Variants in TAFA1 observed in about 807,000 individuals in gnomAD.
TAFA1 encodes chemokine-like protein TAFA-1.
In TAFA1, 4 loss-of-function variants were observed where a neutral mutation model predicts 18.5. The observed-to-expected ratio is 0.22, with a 90% CI of 0.11 to 0.49. TAFA1 has a LOEUF of 0.49. TAFA1 is among the 20% of genes least tolerant of loss of function. TAFA1 has a pLI of 0.98. For synonymous variants in TAFA1, 56 were observed against 55.2 expected (o/e 1.01, Z -0.06); for missense variants, 147 against 169.0 (o/e 0.87, Z 0.72).
intron 2 of TAFA1, among the ~76,000 whole-genome samples, chr3:68,200,061 T>G (rs1431197043): frequency 2.0e-5 from 3 of 151,612 alleles, no homozygotes; most frequent in Non-Finnish European, 4.4e-5. Context: ...GATGTTGGAT[T>G]TTATTGAATG....
chr3:68,434,547 A>G (rs2071236295), intron 3 of TAFA1, among the ~76,000 whole-genome samples: 2 of 152,076 alleles, frequency 1.3e-5, no homozygotes, highest in Admixed American at 6.6e-5. Context: ...ATTTTGATAC[A>G]AAAATAAAGA....
intron 3 of TAFA1, among the ~76,000 whole-genome samples, chr3:68,419,477 T>C (rs935190927): frequency 6.6e-6 from 1 of 152,144 alleles, no homozygotes; most frequent in Admixed American, 6.5e-5. Flanking sequence ...TTTAAGACAA[T>C]TTTATATGTT....
intron 3 of TAFA1, 171 bp downstream of exon 3, chr3:68,417,591 C>G (rs1296064036): frequency 3.1e-6 from 2 of 640,106 alleles, no homozygotes; most frequent in Non-Finnish European, 5.2e-6. Flanking sequence ...TTCTCTGGTG[C>G]TATTATTTGA....
chr3:68,298,912 G>T, intron 2 of TAFA1, among the ~76,000 whole-genome samples: 1 of 152,324 alleles, frequency 6.6e-6, no homozygotes, highest in Admixed American at 6.5e-5. Flanking sequence ...TAGTGGGGAA[G>T]TGCTAGAAAG....
intron 2 of TAFA1, among the ~76,000 whole-genome samples, chr3:68,338,131 T>C (rs1324962194): frequency 6.6e-6 from 1 of 152,240 alleles, no homozygotes; most frequent in Admixed American, 6.5e-5. Flanking sequence ...TATGGATCTT[T>C]CATGCCTGTT....
intron 2 of TAFA1, among the ~76,000 whole-genome samples, chr3:68,072,935 T>C (rs1038534766): frequency 6.6e-6 from 1 of 152,218 alleles, no homozygotes; most frequent in Non-Finnish European, 1.5e-5. Context: ...TCTTGTAGTC[T>C]TCAGCATTAA....
At chr3:68,295,619 T>C (rs1286131409) in intron 2 of TAFA1, among the ~76,000 whole-genome samples, 1 of 152,138 alleles carries the variant, frequency 6.6e-6, no homozygotes, top group Non-Finnish European at 1.5e-5. Flanking sequence ...TTTTATTTTC[T>C]TTTTTGAGAC....
chr3:68,464,550 G>C (rs2071849096), intron 3 of TAFA1, among the ~76,000 whole-genome samples: 1 of 152,132 alleles, frequency 6.6e-6, no homozygotes. Context: ...GGTTGGAGCA[G>C]TGAAAGGAGA....
chr3:68,007,604 A>C (rs879700652), intron 2 of TAFA1, among the ~76,000 whole-genome samples: 1,061 of 58,048 alleles, frequency 0.018, no homozygotes, highest in African/African-American at 0.021. Context: ...CCTCCACCCC[A>C]CCTCCCTCCC....
chr3:68,535,942 C>T (rs1462831368), intron 3 of TAFA1, among the ~76,000 whole-genome samples: 1 of 152,084 alleles, frequency 6.6e-6, no homozygotes, highest in African/African-American at 2.4e-5. Flanking sequence ...ATATGGTGTC[C>T]ACTGAGGCAT....
At chr3:68,134,597 A>T (rs2065584882) in intron 2 of TAFA1, among the ~76,000 whole-genome samples, 1 of 152,130 alleles carries the variant, frequency 6.6e-6, no homozygotes, top group Admixed American at 6.5e-5. Flanking sequence ...TAGAATATTT[A>T]AGTTGGGTTT....
At chr3:68,132,648 A>G (rs989466377) in intron 2 of TAFA1, among the ~76,000 whole-genome samples, 14 of 151,958 alleles carry the variant, frequency 9.2e-5, no homozygotes, top group African/African-American at 3.4e-4. Context: ...TTTTTTTCAT[A>G]TATTTGTTGG....
chr3:68,357,805 C>T (rs752712157), intron 2 of TAFA1, among the ~76,000 whole-genome samples: 15 of 151,836 alleles, frequency 9.9e-5, no homozygotes, highest in Non-Finnish European at 1.8e-4. Context: ...TGGAGATTCC[C>T]AATTACACCT....
At chr3:68,431,928 G>C (rs752859384) in intron 3 of TAFA1, among the ~76,000 whole-genome samples, 2 of 151,968 alleles carry the variant, frequency 1.3e-5, no homozygotes, top group African/African-American at 2.4e-5. Context: ...AATAGATCAA[G>C]TAAGCGTGAG....
chr3:68,192,360 C>A (rs891520501), intron 2 of TAFA1: 15 of 157,346 alleles, frequency 9.5e-5, no homozygotes, highest in Non-Finnish European at 1.7e-4. Context: ...TCCTTCACCA[C>A]CTGGCCTCCA....
At chr3:68,212,442 G>A (rs2066608375) in intron 2 of TAFA1, among the ~76,000 whole-genome samples, 1 of 151,780 alleles carries the variant, frequency 6.6e-6, no homozygotes, top group South Asian at 2.1e-4. Flanking sequence ...AAAAATAGAG[G>A]GTCAGTTTCA....
intron 2 of TAFA1, among the ~76,000 whole-genome samples, chr3:68,063,538 C>T (rs572028258): frequency 1.3e-5 from 2 of 152,038 alleles, no homozygotes; most frequent in African/African-American, 2.4e-5. Flanking sequence ...GTTAGGGAAA[C>T]ATTGATTAAA....
At chr3:68,315,124 G>A (rs1036838315) in intron 2 of TAFA1, among the ~76,000 whole-genome samples, 2 of 152,080 alleles carry the variant, frequency 1.3e-5, no homozygotes, top group Non-Finnish European at 2.9e-5. Flanking sequence ...AGAAAGGTTA[G>A]CTCTTCTCTT....
At chr3:68,105,786 T>C (rs994255460) in intron 2 of TAFA1, among the ~76,000 whole-genome samples, 8 of 152,304 alleles carry the variant, frequency 5.3e-5, no homozygotes, top group African/African-American at 1.9e-4. Context: ...GATGTTTTCC[T>C]ACCTTGATTA....
Sources: allele counts gnomAD v4.1 joint callset (sites outside exome capture counted in the v4.1 genomes callset), GRCh38; gene constraint gnomAD v4.1.1; transcripts MANE v1.5; gene names NCBI Gene and HGNC (gene_info 2026-07-23, HGNC 2026-07-21).